PAIP1: variants seen among roughly 807,000 people sequenced by gnomAD.
PAIP1 encodes the protein polyadenylate-binding protein-interacting protein 1.
In PAIP1, 16 loss-of-function variants were observed where a neutral mutation model predicts 61.3. That is an observed-to-expected ratio of 0.26 (90% CI 0.18 to 0.40). The LOEUF (loss-of-function observed/expected upper bound fraction) is 0.40, where lower values mean the gene tolerates loss of function less well. Among genes scored for constraint, PAIP1 ranks in the 10% least tolerant of loss-of-function variants. The pLI is 1.00. For synonymous variants in PAIP1, 187 were observed against 226.2 expected, an observed-to-expected ratio of 0.83 and a Z score of 1.56; for missense variants, 416 against 600.9, an observed-to-expected ratio of 0.69 and a Z score of 3.22.
chr5:43,530,274 A>G (rs1195205264), intron 9 of PAIP1, among the ~76,000 whole-genome samples: 1 of 152,236 alleles, frequency 6.6e-6, no homozygotes, highest in Non-Finnish European at 1.5e-5. Context: ...ACCTACCAAA[A>G]GTTTTAACAA....
intron 9 of PAIP1, among the ~76,000 whole-genome samples, chr5:43,533,445 TAA>T (rs746646747): frequency 6.6e-6 from 1 of 152,160 alleles, no homozygotes; most frequent in Non-Finnish European, 1.5e-5. Flanking sequence ...TTTAAGATTA[TAA>T]AAAAGTTAGA....
At chr5:43,542,925 T>C (rs1747472205) in intron 4 of PAIP1, 79 bp downstream of exon 4, 1 of 756,516 alleles carries the variant, frequency 1.3e-6, no homozygotes, top group Admixed American at 2.3e-5. Flanking sequence ...TGCAGCTTTT[T>C]ATAATATATG....
Position 43,526,424 on chromosome 5 carries a change from T to C in PAIP1, c.*952A>G, listed in dbSNP as rs1746713053. ...TTAACAGAACTATTTACATGCATAT[T>C]TACAAGCAATCCTTTTGTACACAGT... On this transcript the variant is annotated 3_prime_UTR_variant, in exon 11 of 11. Transcript: ENST00000306846. The C allele has an allele frequency of 6.6e-6, 1 of 152,204 alleles. No homozygotes were observed. The highest frequency in any genetic ancestry group is 2.1e-4 in the South Asian group (1 of 4,810). The allele number at this position is 152,204 out of a possible 1,614,324, so 9.4% of individuals were successfully genotyped here.
intron 9 of PAIP1, among the ~76,000 whole-genome samples, chr5:43,532,851 C>G (rs1372687667): frequency 2.0e-5 from 3 of 152,068 alleles, no homozygotes; most frequent in South Asian, 2.1e-4. Flanking sequence ...TCAACAAGAA[C>G]AAGAAAACTT....
intron 1 of PAIP1, 180 bp from the exon 2 acceptor site, chr5:43,556,179 G>C (rs1263865369): frequency 7.2e-7 from 1 of 1,389,570 alleles, no homozygotes; most frequent in African/African-American, 1.5e-5. Flanking sequence ...CAATAGACTT[G>C]CTGTGACTCC....
In PAIP1 at chr5:43,556,307, C is replaced by T. The variant is rs371880864; in HGVS notation, c.265+275G>A. 246 of 1,241,448 alleles carry T rather than the reference C, an allele frequency of 2.0e-4. 2 individuals are homozygous for T. The African/African-American group carries it at 2.9e-3, about 15-fold the overall frequency. The allele number at this position is 1,241,448 out of a possible 1,614,324, so 76.9% of individuals were successfully genotyped here. Reference sequence around the variant, plus strand: ...GCTAGGGTCTCGCTTTAGAGGGCTGCTGAGGGGAGGCGATTTTTACTTCCT... The same window carrying T: ...GCTAGGGTCTCGCTTTAGAGGGCTGTTGAGGGGAGGCGATTTTTACTTCCT... On this transcript the variant is annotated intron_variant, in intron 1 of 10. Transcript: ENST00000306846.
In PAIP1 at chr5:43,541,157, G is replaced by A. The variant is rs56879170; in HGVS notation, c.734+1847C>T. The stretch of plus-strand genomic sequence containing the variant: ...TATTATTATTTTTGATACGGAGTCT[G>A]GCTGTCACCCAGGCTGGAGTGCAGT... On this transcript the variant is annotated intron_variant, in intron 4 of 10. Transcript: ENST00000306846. Among the ~76,000 whole-genome samples, 4 of 23,648 alleles carry A rather than the reference G, an allele frequency of 1.7e-4. 1 individual carries two copies. In the South Asian group the frequency reaches 6.3e-3, roughly 37 times the overall value. 15.5% of individuals were successfully genotyped at this position (23,648 alleles called of 152,430 possible). A position where few individuals can be genotyped will look rare whatever the true frequency, so the allele number is the denominator to read the frequency against.
At chr5:43,551,006 A>G (rs1292591526) in intron 2 of PAIP1, among the ~76,000 whole-genome samples, 6 of 152,178 alleles carry the variant, frequency 3.9e-5, no homozygotes, top group Non-Finnish European at 5.9e-5. Context: ...TAACTTTGAA[A>G]AAGACAATAA....
At chr5:43,546,712 G>A (rs1489365868) in intron 3 of PAIP1, among the ~76,000 whole-genome samples, 1 of 151,968 alleles carries the variant, frequency 6.6e-6, no homozygotes, top group East Asian at 1.9e-4. Context: ...TTTGTGTTAA[G>A]CCAGTGTTGT....
chr5:43,544,438 TTTAG>T (rs893794258), intron 3 of PAIP1, among the ~76,000 whole-genome samples: 1 of 152,182 alleles, frequency 6.6e-6, no homozygotes, highest in Non-Finnish European at 1.5e-5. Flanking sequence ...TTAGCTTCTT[TTTAG>T]TGTTATAACA....
At chr5:43,551,745 C>CTT (rs10640960) in intron 2 of PAIP1, among the ~76,000 whole-genome samples, 2,037 of 142,940 alleles carry the variant, frequency 0.014, 44 homozygotes, top group African/African-American at 0.035. Context: ...GATTTGCAAT[C>CTT]TTTTTTTTTT....
chr5:43,539,883 A>ATT (rs1221426662), intron 4 of PAIP1, among the ~76,000 whole-genome samples: 17 of 152,198 alleles, frequency 1.1e-4, no homozygotes, highest in African/African-American at 3.1e-4. Flanking sequence ...TCATTTTGTT[A>ATT]TTAAGTATTT....
rs1250003022 is a variant in PAIP1, at chr5:43,538,910, G to T, written c.846+14C>A. ...CAGGCCTTGTTAGTACTTAACAAAA[G>T]AAAAACTTCTCACCTCCAGGTTAAG... On this transcript the variant is annotated intron_variant, in intron 5 of 10. Coordinates refer to ENST00000306846, the MANE Select transcript of PAIP1 (RefSeq NM_006451.5). The T allele has an allele frequency of 3.5e-6, 5 of 1,437,680 alleles. No individual in the cohort carries two copies. Among genetic ancestry groups the T allele is most frequent in the Non-Finnish European group, 4.9e-6 (5 of 1,021,470 alleles). The allele number at this position is 1,437,680 out of a possible 1,614,324, so 89.1% of individuals were successfully genotyped here. A position where few individuals can be genotyped will look rare whatever the true frequency, so the allele number is the denominator to read the frequency against.
chr5:43,553,563 T>C (rs771068042), intron 2 of PAIP1, among the ~76,000 whole-genome samples: 1 of 152,214 alleles, frequency 6.6e-6, no homozygotes, highest in Non-Finnish European at 1.5e-5. Flanking sequence ...CTTTGGATTA[T>C]GGCTACTAAA....
chr5:43,527,581 A>G, intron 10 of PAIP1, 112 bp from the exon 11 acceptor site: 1 of 819,200 alleles, frequency 1.2e-6, no homozygotes, highest in Non-Finnish European at 1.8e-6. Flanking sequence ...CTTATAATAG[A>G]ACACAAGCCT....
chr5:43,547,070 G>A (rs1389055258), intron 3 of PAIP1, among the ~76,000 whole-genome samples: 43 of 33,034 alleles, frequency 1.3e-3, no homozygotes, highest in South Asian at 2.6e-3. Flanking sequence ...AAAAAAAAAA[G>A]CGTTAATATG....
At chr5:43,548,597 A>C (rs960140411) in intron 2 of PAIP1, among the ~76,000 whole-genome samples, 1 of 152,140 alleles carries the variant, frequency 6.6e-6, no homozygotes, top group South Asian at 2.1e-4. Flanking sequence ...CACCACTGTC[A>C]CCTTTGGCAG....
chr5:43,537,898 G>A (rs1394522224), intron 5 of PAIP1, among the ~76,000 whole-genome samples: 1 of 149,704 alleles, frequency 6.7e-6, no homozygotes, highest in Admixed American at 6.8e-5. Context: ...GAAGGCTGAA[G>A]CAGGAGAATC....
At position 43,557,014 on chromosome 5, in the gene PAIP1, G is replaced by A. The variant is rs1238617861; in HGVS notation, c.-168C>T. The A allele has an allele frequency of 4.3e-6, 5 of 1,174,030 alleles. No homozygotes were observed. The highest frequency in any genetic ancestry group is 5.4e-6 in the Non-Finnish European group (5 of 931,046). The allele number at this position is 1,174,030 out of a possible 1,614,324, so 72.7% of individuals were successfully genotyped here. ...GGCTGCTCGGTGCTTCTGGCGGAGC[G>A]GACGGCAGCCCGAGCACCCGCCGCT... On this transcript the variant is annotated 5_prime_UTR_variant, in exon 1 of 11. Transcript: ENST00000306846.
Sources: gnomAD v4.1 joint callset for allele counts (sites outside exome capture counted in the v4.1 genomes callset) on GRCh38, gnomAD v4.1.1 for gene constraint, MANE v1.5 for transcripts, NCBI Gene and HGNC (gene_info 2026-07-23, HGNC 2026-07-21) for gene names.